The following MAP3K7CL variants were observed in gnomAD, a reference collection of about 807,000 sequenced individuals.
MAP3K7CL encodes the protein MAP3K7 C-terminal like.
A neutral mutation model predicts 18.6 loss-of-function variants in MAP3K7CL; 16 were observed. The observed-to-expected ratio is 0.86, with a 90% CI of 0.58 to 1.31. MAP3K7CL has a LOEUF of 1.31. Ranked by LOEUF, MAP3K7CL falls within the 50% of genes most tolerant of loss-of-function variation. MAP3K7CL has a pLI of 0.00. For missense variants in MAP3K7CL, 163 were observed against 174.4 expected, an observed-to-expected ratio of 0.93 and a Z score of 0.37; for synonymous variants, 65 against 66.8, an observed-to-expected ratio of 0.97 and a Z score of 0.13.
rs2087946139 is a variant in MAP3K7CL at position 29,175,508 on chromosome 21, A to T, written c.*616A>T. On this transcript the variant is annotated 3_prime_UTR_variant, in exon 5 of 5. Coordinates refer to ENST00000399928, the MANE Select transcript of MAP3K7CL (RefSeq NM_001286620.2). ...CAGAAACCATGTTTGTAACCAAAGC[A>T]CATTTGCCAATGCTAACTGGCTGTT... The T allele has an allele frequency of 6.6e-6, 1 of 152,242 alleles. No individual in the cohort carries two copies. Among genetic ancestry groups the T allele is most frequent in the Non-Finnish European group, 1.5e-5 (1 of 68,044 alleles). 9.4% of individuals were successfully genotyped at this position (152,242 alleles called of 1,614,324 possible).
At chr21:29,097,774 A>T (rs1048750803) in intron 4 of MAP3K7CL, among the ~76,000 whole-genome samples, 2 of 152,182 alleles carry the variant, frequency 1.3e-5, no homozygotes, top group Non-Finnish European at 2.9e-5. Flanking sequence ...GACTAATGTT[A>T]TAATATTGGG....
At chr21:29,103,022 G>C (rs1361745251) in intron 4 of MAP3K7CL, among the ~76,000 whole-genome samples, 2 of 152,170 alleles carry the variant, frequency 1.3e-5, no homozygotes, top group African/African-American at 4.8e-5. Context: ...GAACCACCTA[G>C]CTAAGCTGCT....
chr21:29,090,361 C>G (rs1379238667), intron 1 of MAP3K7CL, among the ~76,000 whole-genome samples: 1 of 151,954 alleles, frequency 6.6e-6, no homozygotes, highest in Non-Finnish European at 1.5e-5. Flanking sequence ...AATGCAATCT[C>G]TATTAGCTTC....
chr21:29,109,114 A>G lies in MAP3K7CL; in HGVS notation c.370+16533A>G, dbSNP rs994938364. The G allele has an allele frequency of 2.0e-6, 3 of 1,535,244 alleles. No homozygotes were observed. The African/African-American group carries it at 4.1e-5, about 21-fold the overall frequency. The stretch of plus-strand genomic sequence containing the variant: ...ATTTCATTTCCAAATTATGAAGACC[A>G]CCTGGGCCTGACTGAAGATGCTTGT... On this transcript the variant is annotated intron_variant, in intron 4 of 6. Coordinates refer to the MAP3K7CL transcript ENST00000286791.
At chr21:29,099,988 C>T (rs1248287258) in intron 4 of MAP3K7CL, among the ~76,000 whole-genome samples, 1 of 150,200 alleles carries the variant, frequency 6.7e-6, no homozygotes, top group Non-Finnish European at 1.5e-5. Context: ...GAGGCTGAGG[C>T]AGGAGAATGG....
intron 1 of MAP3K7CL, 130 bp from the exon 2 acceptor site, chr21:29,133,176 G>A (rs953553219): frequency 3.7e-6 from 2 of 546,410 alleles, no homozygotes; most frequent in Non-Finnish European, 6.2e-6. Context: ...CTCAAAACTA[G>A]GAGTATCTTT....
intron 4 of MAP3K7CL, among the ~76,000 whole-genome samples, chr21:29,173,595 T>C (rs1384795942): frequency 2.0e-5 from 3 of 152,332 alleles, no homozygotes; most frequent in South Asian, 4.1e-4. Flanking sequence ...TTCAGTTAGA[T>C]TTTGTCTAGG....
intron 1 of MAP3K7CL, among the ~76,000 whole-genome samples, chr21:29,088,407 G>T (rs147007336): frequency 1.3e-5 from 2 of 152,002 alleles, no homozygotes; most frequent in African/African-American, 2.4e-5. Context: ...TTACATTTTC[G>T]CACTGTTTTG....
At chr21:29,119,055 T>C (rs2146582881) in intron 4 of MAP3K7CL, among the ~76,000 whole-genome samples, 1 of 152,342 alleles carries the variant, frequency 6.6e-6, no homozygotes, top group East Asian at 1.9e-4. Flanking sequence ...CCATTATCTA[T>C]TGGCTTCTCC....
At chr21:29,172,241 C>CTTTTTTTTTTTTTTTTTTTTT (rs35612617) in intron 4 of MAP3K7CL, among the ~76,000 whole-genome samples, 2 of 126,252 alleles carry the variant, frequency 1.6e-5, no homozygotes, top group African/African-American at 2.9e-5. Context: ...TTGTCATTTT[C>CTTTTTTTTTTTTTTTTTTTTT]TTTTTTTTTT....
intron 3 of MAP3K7CL, among the ~76,000 whole-genome samples, chr21:29,152,295 GC>G (rs1383660971): frequency 6.6e-6 from 1 of 152,188 alleles, no homozygotes; most frequent in African/African-American, 2.4e-5. Context: ...TCTATACTTA[GC>G]GTAAGCATAT....
chr21:29,118,862 A>T, intron 4 of MAP3K7CL, among the ~76,000 whole-genome samples: 1 of 152,254 alleles, frequency 6.6e-6, no homozygotes, highest in East Asian at 1.9e-4. Context: ...GTGCATGCGC[A>T]TATGTTAAGG....
intron 2 of MAP3K7CL, among the ~76,000 whole-genome samples, chr21:29,136,604 G>A (rs573866949): frequency 2.0e-5 from 3 of 151,674 alleles, no homozygotes; most frequent in South Asian, 2.1e-4. Context: ...GGCTCACCGC[G>A]ACCTCCGCCT....
At chr21:29,159,366 T>C (rs2087484870) in intron 3 of MAP3K7CL, among the ~76,000 whole-genome samples, 1 of 152,200 alleles carries the variant, frequency 6.6e-6, no homozygotes, top group Non-Finnish European at 1.5e-5. Context: ...AGGGATGGTT[T>C]TTTTTTAGGG....
At chr21:29,123,057 T>A (rs1473952075) in intron 4 of MAP3K7CL, among the ~76,000 whole-genome samples, 11 of 23,900 alleles carry the variant, frequency 4.6e-4, no homozygotes, top group African/African-American at 4.4e-3. Context: ...GAAATGATCT[T>A]TTTTTTTTTT....
chr21:29,119,349 C>T (rs1379337454), intron 4 of MAP3K7CL, among the ~76,000 whole-genome samples: 2 of 152,204 alleles, frequency 1.3e-5, no homozygotes, highest in African/African-American at 2.4e-5. Context: ...ACTAATTCAA[C>T]CCTAAAGGTC....
At chr21:29,101,004 G>A (rs534670214) in intron 4 of MAP3K7CL, among the ~76,000 whole-genome samples, 4 of 151,000 alleles carry the variant, frequency 2.6e-5, no homozygotes, top group Admixed American at 6.6e-5. Flanking sequence ...GAGCCACTGC[G>A]CCCGGTCCCT....
chr21:29,170,528 T>G (rs1388339884), intron 4 of MAP3K7CL, among the ~76,000 whole-genome samples: 1 of 152,174 alleles, frequency 6.6e-6, no homozygotes, highest in African/African-American at 2.4e-5. Context: ...GAAAGTAAAG[T>G]CCACCTAAAT....
At chr21:29,171,505 A>T (rs556059232) in intron 4 of MAP3K7CL, among the ~76,000 whole-genome samples, 1 of 152,282 alleles carries the variant, frequency 6.6e-6, no homozygotes, top group South Asian at 2.1e-4. Context: ...ACTTAGAGAA[A>T]AATTGCAAAA....
Sources: allele counts gnomAD v4.1 joint callset (sites outside exome capture counted in the v4.1 genomes callset), GRCh38; gene constraint gnomAD v4.1.1; transcripts MANE v1.5; gene names NCBI Gene and HGNC (gene_info 2026-07-23, HGNC 2026-07-21).